The following RICTOR variants were observed in gnomAD, a reference collection of about 807,000 sequenced individuals.
RICTOR encodes the protein rapamycin-insensitive companion of mTOR.
RICTOR carries 49 observed loss-of-function variants against 214.9 expected under a neutral mutation model. The observed-to-expected ratio is 0.23, with a 90% CI of 0.18 to 0.29. RICTOR has a LOEUF of 0.29. RICTOR is among the 10% of genes least tolerant of loss of function. The pLI is 1.00. For missense variants in RICTOR, 1,625 were observed against 2,047.0 expected (o/e 0.79, Z 3.98); for synonymous variants, 717 against 711.3 (o/e 1.01, Z -0.13).
intron 3 of RICTOR, among the ~76,000 whole-genome samples, chr5:39,007,503 C>T (rs544732808): frequency 6.6e-6 from 1 of 152,050 alleles, no homozygotes. Context: ...CGAATTTTGA[C>T]GAGACACAAT....
In RICTOR at chr5:39,021,062, C is replaced by T; in HGVS notation, c.172G>A (p.Gly58Ser). The part of the protein sequence containing the change: ...LQGVSNMRKL[G>S]HLNNFTKLLC... The stretch of plus-strand genomic sequence containing the variant: ...ACCTTAGTAAAGTTATTCAGATGGC[C>T]TAGCTTTCTCATATTTGATACTCCC... The change falls in exon 3 of 38, where the codon GGC becomes AGC. Residue 58 changes from glycine to serine, a missense_variant. Around this residue, in one of 5 missense-constraint regions of RICTOR, gnomAD observed 258 missense variants for 393.7 expected, o/e 0.66. Coordinates refer to ENST00000357387, the MANE Select transcript of RICTOR (RefSeq NM_152756.5). The T allele has an allele frequency of 6.3e-7, 1 of 1,580,698 alleles. No homozygotes were observed. Among genetic ancestry groups the T allele is most frequent in the Non-Finnish European group, 8.7e-7 (1 of 1,149,770 alleles).
At chr5:38,983,109 C>T (rs1426742221) in intron 7 of RICTOR, among the ~76,000 whole-genome samples, 1 of 152,112 alleles carries the variant, frequency 6.6e-6, no homozygotes, top group Non-Finnish European at 1.5e-5. Flanking sequence ...TCCAATGAGT[C>T]CTCCTCCATT....
chr5:39,003,081 A>G lies in RICTOR; in HGVS notation c.261-415T>C, dbSNP rs146155291. Among the ~76,000 whole-genome samples the G allele has an allele frequency of 3.1e-3, 475 of 152,240 alleles. 13 individuals carry two copies. Among genetic ancestry groups the G allele is most frequent in the Admixed American group, 0.03 (452 of 15,282 alleles). ...AAAATCATTGGTTTAAATCAATGAT[A>G]ATAATAATTTATGCCAATAGCAGGC... is the stretch of plus-strand genomic sequence containing the variant. On this transcript the variant is annotated intron_variant, in intron 4 of 37. Coordinates refer to ENST00000357387, the MANE Select transcript of RICTOR (RefSeq NM_152756.5).
chr5:38,951,211 T>C (rs1020306948), intron 30 of RICTOR, among the ~76,000 whole-genome samples: 2 of 151,982 alleles, frequency 1.3e-5, no homozygotes, highest in Non-Finnish European at 2.9e-5. Flanking sequence ...ATTATGTTTA[T>C]TTCTCATTTT....
chr5:38,954,992 T>G (rs1749133346), intron 26 of RICTOR, 131 bp from the exon 27 acceptor site: 1 of 487,162 alleles, frequency 2.1e-6, no homozygotes, highest in African/African-American at 2.1e-5. Flanking sequence ...AATATGAAAG[T>G]AACAAGGAAT....
intron 14 of RICTOR, 192 bp downstream of exon 14, chr5:38,966,969 T>A: frequency 1.6e-6 from 1 of 642,178 alleles, no homozygotes; most frequent in East Asian, 2.6e-5. Context: ...CATGGCTAAT[T>A]TTTGTATTTT....
At chr5:39,028,032 T>C (rs537441265) in intron 2 of RICTOR, among the ~76,000 whole-genome samples, 49 of 152,054 alleles carry the variant, frequency 3.2e-4, no homozygotes, top group Non-Finnish European at 5.9e-4. Flanking sequence ...CCAAAAAGTA[T>C]GAGAAAAGGT....
At position 38,939,995 on chromosome 5, in the gene RICTOR, T is replaced by C. The variant is rs1375250318; in HGVS notation, c.*2309A>G. 3 of 226,522 alleles carry C rather than the reference T, an allele frequency of 1.3e-5. No homozygotes were observed. The highest frequency in any genetic ancestry group is 6.8e-5 in the African/African-American group (3 of 44,112). 14.0% of individuals were successfully genotyped at this position (226,522 alleles called of 1,614,324 possible). A position where few individuals can be genotyped will look rare whatever the true frequency, so the allele number is the denominator to read the frequency against. The stretch of plus-strand genomic sequence containing the variant: ...TCAGTGAAATCATGGAGAAACCAAA[T>C]AGCACTATAAATTTAAGCGTAGACT... On this transcript the variant is annotated 3_prime_UTR_variant, in exon 38 of 38. Transcript: ENST00000357387.
chr5:39,021,973 C>T (rs545319492), intron 2 of RICTOR, among the ~76,000 whole-genome samples: 20 of 152,266 alleles, frequency 1.3e-4, no homozygotes, highest in Non-Finnish European at 2.5e-4. Context: ...CCTAATTTTT[C>T]AACTTTACAT....
intron 25 of RICTOR, among the ~76,000 whole-genome samples, chr5:38,956,911 T>C (rs1372432650): frequency 6.6e-6 from 1 of 152,136 alleles, no homozygotes; most frequent in African/African-American, 2.4e-5. Context: ...GTATCTCTTA[T>C]GAAATATGGT....
At position 38,946,547 on chromosome 5, in the gene RICTOR, CT is replaced by C; in HGVS notation, c.4319del (p.Lys1440ArgfsTer37). 6.3e-7 allele frequency: 1 copy of C among 1,588,512 alleles called. No individual in the cohort carries two copies. The highest frequency in any genetic ancestry group is 8.6e-7 in the Non-Finnish European group (1 of 1,157,048). On this transcript the variant is annotated frameshift_variant, in exon 33 of 38. Coordinates refer to ENST00000357387, the MANE Select transcript of RICTOR (RefSeq NM_152756.5). LOFTEE classifies it high-confidence loss of function. ...TTTTTGTCTGAAAATAGGGAATATC[CT>C]TTACCTAAAAAAAGATATAAACCAT... ...PVDINDIFQV[K>X]DIPYFQTKNI...
chr5:39,065,993 G>C (rs1580229976), intron 2 of RICTOR, among the ~76,000 whole-genome samples: 1 of 152,234 alleles, frequency 6.6e-6, no homozygotes, highest in East Asian at 1.9e-4. Context: ...CCTTCTCACA[G>C]CTCCACTAGG....
Position 39,042,885 on chromosome 5 carries a change from C to T in RICTOR, c.98-21749G>A, listed in dbSNP as rs143646735. On this transcript the variant is annotated intron_variant, in intron 2 of 37. Transcript: ENST00000357387. ...CTAAATTAGGCTATTATCAAAAAGA[C>T]AAAAAAATGCAGGGAGCCATGAACA... Among the ~76,000 whole-genome samples, 5 of 151,950 alleles carry T rather than the reference C, an allele frequency of 3.3e-5. No individual in the cohort carries two copies. The East Asian group carries it at 7.7e-4, about 23-fold the overall frequency.
At chr5:38,963,921 C>A (rs1238194005) in intron 16 of RICTOR, among the ~76,000 whole-genome samples, 2 of 151,832 alleles carry the variant, frequency 1.3e-5, no homozygotes, top group Admixed American at 6.6e-5. Flanking sequence ...GTTTATAAGA[C>A]AACTTTGGTC....
chr5:39,038,929 C>T (rs552124176), intron 2 of RICTOR, among the ~76,000 whole-genome samples: 168 of 152,250 alleles, frequency 1.1e-3, no homozygotes, highest in African/African-American at 3.8e-3. Flanking sequence ...CCCCATCAAG[C>T]TACCAATGAC....
intron 2 of RICTOR, 121 bp from the exon 3 acceptor site, chr5:39,021,257 C>T (rs2150136143): frequency 1.5e-6 from 1 of 676,668 alleles, no homozygotes; most frequent in South Asian, 1.7e-5. Flanking sequence ...TTACCCTCCA[C>T]CCCAAATCTG....
In RICTOR at chr5:38,938,534, T is replaced by A. The variant is rs1246892760; in HGVS notation, c.*3770A>T. Reference sequence around the variant, plus strand: ...TCTATAAAGAAAGTAAAACAAAATGTGCAATTTATGCATGCTGTGGTGCAG... The same window carrying A: ...TCTATAAAGAAAGTAAAACAAAATGAGCAATTTATGCATGCTGTGGTGCAG... On this transcript the variant is annotated 3_prime_UTR_variant, in exon 38 of 38. Transcript: ENST00000357387. The A allele has an allele frequency of 8.6e-6, 2 of 232,802 alleles. No homozygotes were observed. The highest frequency in any genetic ancestry group is 4.4e-5 in the African/African-American group (2 of 45,316). The allele number at this position is 232,802 out of a possible 1,614,324, so 14.4% of individuals were successfully genotyped here.
intron 3 of RICTOR, among the ~76,000 whole-genome samples, chr5:39,011,054 T>C (rs1451306138): frequency 1.3e-5 from 2 of 152,012 alleles, no homozygotes; most frequent in Non-Finnish European, 2.9e-5. Context: ...ATGTCAGAGA[T>C]CTTCATGGCA....
At chr5:38,999,040 A>C (rs1253240117) in intron 5 of RICTOR, among the ~76,000 whole-genome samples, 2 of 148,818 alleles carry the variant, frequency 1.3e-5, no homozygotes, top group East Asian at 1.9e-4. Context: ...AAAAAAAAAA[A>C]AAAAAAAAAA....
Sources: gnomAD v4.1 joint callset for allele counts (sites outside exome capture counted in the v4.1 genomes callset) on GRCh38, gnomAD v4.1.1 for gene constraint, gnomAD v4.1.1 regional missense constraint, MANE v1.5 for transcripts, NCBI Gene and HGNC (gene_info 2026-07-23, HGNC 2026-07-21) for gene names.